Variants in CD81 observed in about 807,000 individuals in gnomAD.
CD81 encodes CD81 molecule.
In CD81, 10 loss-of-function variants were observed where a neutral mutation model predicts 30.1. The ratio of observed to expected loss-of-function variants is 0.33; its 90% CI spans 0.21 to 0.56. CD81 has a LOEUF of 0.56. Ranked by LOEUF, CD81 falls within the 20% of genes least tolerant of loss-of-function variation. CD81 has a pLI of 0.89. For synonymous variants in CD81, 147 were observed against 126.4 expected (o/e 1.16, Z -1.10); for missense variants, 263 against 308.7 (o/e 0.85, Z 1.11).
chr11:2,396,792 A>C lies in CD81; in HGVS notation c.649-12A>C. 1.2e-6 allele frequency: 2 copies of C among 1,612,502 alleles called. No individual in the cohort carries two copies. Among genetic ancestry groups the C allele is most frequent in the Non-Finnish European group, 1.7e-6 (2 of 1,179,970 alleles). ...CCTTGTGCTGACTGCGCCCCCCACCACCCTCCTGCAGATCTTCGAGATGAT... is the reference window on the plus strand; with the variant it reads ...CCTTGTGCTGACTGCGCCCCCCACCCCCCTCCTGCAGATCTTCGAGATGAT... On this transcript the variant is annotated splice_polypyrimidine_tract_variant and intron_variant, in intron 7 of 7. Transcript: ENST00000263645.
intron 4 of CD81, 90 bp from the exon 5 acceptor site, chr11:2,395,326 C>T: frequency 9.5e-7 from 1 of 1,058,032 alleles, no homozygotes; most frequent in Non-Finnish European, 1.4e-6. Context: ...CAGGGAGAGC[C>T]TGGGAAAAGT....
In CD81 at chr11:2,377,872, G is replaced by C. The variant is rs1431536407; in HGVS notation, c.66+257G>C. 3 of 226,192 alleles carry C rather than the reference G, an allele frequency of 1.3e-5. No individual in the cohort carries two copies. In the East Asian group the frequency reaches 2.8e-4, roughly 21 times the overall value. 14.0% of individuals were successfully genotyped at this position (226,192 alleles called of 1,614,324 possible). ...CTCTGCGGCCGGGCCGGGGCTTCTG[G>C]GGGCCGCCGGGCAGTTCCCGCTGTG... is the stretch of plus-strand genomic sequence containing the variant. On this transcript the variant is annotated intron_variant, in intron 1 of 7. Coordinates refer to ENST00000263645, the MANE Select transcript of CD81 (RefSeq NM_004356.4). The surrounding 1 kb of genome is among the most constrained non-coding windows in gnomAD (Gnocchi z 7.7).
At chr11:2,396,178 G>A in intron 6 of CD81, 1 of 621,804 alleles carries the variant, frequency 1.6e-6, no homozygotes, top group East Asian at 2.8e-5. Flanking sequence ...GCGCATTCCG[G>A]GTGAAGAAGG....
chr11:2,395,483 A>G lies in CD81; in HGVS notation c.422A>G (p.Asn141Ser), dbSNP rs754554237. The G allele has an allele frequency of 1.3e-4, 211 of 1,612,614 alleles. No homozygotes were observed. Among genetic ancestry groups the G allele is most frequent in the Middle Eastern group, 3.3e-4 (2 of 6,084 alleles). The change falls in exon 5 of 8, where the codon AAC (asparagine) becomes AGC (serine). Residue 141 changes from asparagine (N) to serine (S), a missense_variant. Physicochemically the swap from Asn to Ser is conservative, Grantham distance 46. Transcript: ENST00000263645. ...LQQAVVDDDA[N>S]NAKAVVKTFH... ...CAGGCCGTGGTGGATGATGACGCCA[A>G]CAACGCCAAGGCTGTGGTGAAGACC...
intron 1 of CD81, among the ~76,000 whole-genome samples, chr11:2,382,028 T>C (rs1849712658): frequency 1.3e-5 from 2 of 152,218 alleles, no homozygotes; most frequent in Admixed American, 6.5e-5. Flanking sequence ...AAGTGCTGAA[T>C]CATGAGAGAC....
At chr11:2,384,581 T>A (rs1211803604) in intron 1 of CD81, 1 of 158,836 alleles carries the variant, frequency 6.3e-6, no homozygotes, top group African/African-American at 2.4e-5. Context: ...GCCCGGCCAC[T>A]TGGGAGGCGG....
In CD81 at chr11:2,394,888, G is replaced by A. The variant is rs12277341; in HGVS notation, c.280-84G>A. ...GCTCCCACTAGCCCCTCACAGACAC[G>A]CCTGCTGGGCACCTGGGTGTGTGTC... On this transcript the variant is annotated intron_variant, in intron 3 of 7. Transcript: ENST00000263645. 0.025 allele frequency: 31,952 copies of A among 1,277,716 alleles called. 2,259 individuals are homozygous for A. Among genetic ancestry groups the A allele is most frequent in the African/African-American group, 0.23 (16,036 of 68,374 alleles). 79.1% of individuals were successfully genotyped at this position (1,277,716 alleles called of 1,614,324 possible). A position where few individuals can be genotyped will look rare whatever the true frequency, so the allele number is the denominator to read the frequency against.
At chr11:2,395,743 C>T in intron 5 of CD81, 126 bp from the exon 6 acceptor site, 1 of 788,942 alleles carries the variant, frequency 1.3e-6, no homozygotes, top group Non-Finnish European at 2.2e-6. Flanking sequence ...AGGAAGAAGG[C>T]TGGCCCCTGG....
intron 2 of CD81, chr11:2,390,979 C>T (rs975860469): frequency 3.6e-6 from 1 of 274,678 alleles, no homozygotes. Flanking sequence ...GCCCCAGAGG[C>T]GGTGTGACTC....
At chr11:2,379,181 C>T (rs1849656966) in intron 1 of CD81, 3 of 454,104 alleles carry the variant, frequency 6.6e-6, no homozygotes, top group African/African-American at 2.0e-5. Flanking sequence ...CCTCTGCCAG[C>T]CCCTGAAGCC....
chr11:2,395,783 C>A, intron 5 of CD81, 86 bp from the exon 6 acceptor site: 1 of 914,228 alleles, frequency 1.1e-6, no homozygotes, highest in Non-Finnish European at 1.8e-6. Context: ...GCGCTGCGTA[C>A]CCCTGGCCAC....
intron 5 of CD81, 139 bp from the exon 6 acceptor site, chr11:2,395,730 A>G (rs1849987752): frequency 1.3e-6 from 1 of 767,496 alleles, no homozygotes; most frequent in East Asian, 2.6e-5. Context: ...AGCGCAGCTG[A>G]GGAGGAAGAA....
chr11:2,389,888 G>C (rs1020875712), intron 1 of CD81, among the ~76,000 whole-genome samples: 4 of 152,062 alleles, frequency 2.6e-5, no homozygotes, highest in African/African-American at 9.7e-5. Flanking sequence ...CCAGACAGAA[G>C]CAGTCCCCCA....
chr11:2,395,365 G>A (rs762944739), intron 4 of CD81, 51 bp from the exon 5 acceptor site: 4 of 1,446,850 alleles, frequency 2.8e-6, no homozygotes, highest in African/African-American at 2.8e-5. Flanking sequence ...GCGGGGTGGG[G>A]GCAAGGAGGG....
rs564371743 is a variant in CD81, at chr11:2,394,108, C to T, written c.195C>T (p.Leu65=). 1.6e-5 allele frequency: 26 copies of T among 1,613,140 alleles called. No homozygotes were observed. In the East Asian group the frequency reaches 5.3e-4, roughly 33 times the overall value. ...PNTFYVGIYI[L]IAVGAVMMFV... ...TCTCCCCGCAAGGCATCTACATCCTCATCGCTGTGGGCGCTGTCATGATGT... is the reference window on the plus strand; with the variant it reads ...TCTCCCCGCAAGGCATCTACATCCTTATCGCTGTGGGCGCTGTCATGATGT... Residue 65 remains leucine, a synonymous_variant, in exon 3 of 8, where the codon CTC becomes CTT. Transcript: ENST00000263645.
chr11:2,396,177 G>A (rs538563936), intron 6 of CD81: 33 of 622,792 alleles, frequency 5.3e-5, no homozygotes, highest in African/African-American at 5.4e-5. Flanking sequence ...TGCGCATTCC[G>A]GGTGAAGAAG....
rs377387227 is a variant in CD81 at position 2,378,232 on chromosome 11, T to A, written c.66+617T>A. Reference sequence around the variant, plus strand: ...AAAGGAGCGCAGACTCCCGCCGGGATGGCCCAGAAGCTGGGGTGCGCGCAC... The same window carrying A: ...AAAGGAGCGCAGACTCCCGCCGGGAAGGCCCAGAAGCTGGGGTGCGCGCAC... On this transcript the variant is annotated intron_variant, in intron 1 of 7. Transcript: ENST00000263645. This position sits in a 1 kb window ranked among gnomAD's most constrained non-coding sequence, Gnocchi z 4.9. Among the ~76,000 whole-genome samples the A allele has an allele frequency of 1.3e-5, 2 of 151,976 alleles. No individual in the cohort carries two copies. Among genetic ancestry groups the A allele is most frequent in the African/African-American group, 4.8e-5 (2 of 41,442 alleles).
chr11:2,380,489 A>G (rs922210181), intron 1 of CD81, among the ~76,000 whole-genome samples: 1 of 152,150 alleles, frequency 6.6e-6, no homozygotes, highest in East Asian at 1.9e-4. Context: ...TTCCCAAGCC[A>G]AGGTGCGAGG....
intron 1 of CD81, among the ~76,000 whole-genome samples, chr11:2,383,966 G>A (rs1167488518): frequency 2.0e-5 from 3 of 152,174 alleles, no homozygotes; most frequent in Non-Finnish European, 2.9e-5. Context: ...CGGGGGCAGC[G>A]AGCAGCTGGC....
Sources: allele counts gnomAD v4.1 joint callset (sites outside exome capture counted in the v4.1 genomes callset), GRCh38; gene constraint gnomAD v4.1.1; non-coding constraint Gnocchi (gnomAD v3.1); transcripts MANE v1.5; gene names NCBI Gene and HGNC (gene_info 2026-07-23, HGNC 2026-07-21).